The following MDFIC2 variants were observed in gnomAD, a reference collection of about 807,000 sequenced individuals.
The protein encoded by MDFIC2 is MyoD family inhibitor domain containing 2.
chr3:70,263,055 A>G (rs1701881999), intron 2 of MDFIC2, among the ~76,000 whole-genome samples: 1 of 152,062 alleles, frequency 6.6e-6, no homozygotes, highest in Non-Finnish European at 1.5e-5. Context: ...TAGGTAATTC[A>G]TCTCTCTCTT....
intron 2 of MDFIC2, among the ~76,000 whole-genome samples, chr3:70,278,038 A>T (rs1702044487): frequency 6.6e-6 from 1 of 152,108 alleles, no homozygotes; most frequent in Admixed American, 6.6e-5. Flanking sequence ...CACCTATCTA[A>T]CCACCACCCC....
intron 2 of MDFIC2, among the ~76,000 whole-genome samples, chr3:70,277,519 G>A (rs888754966): frequency 2.0e-5 from 3 of 152,096 alleles, no homozygotes; most frequent in Admixed American, 6.6e-5. Context: ...ATCTCTGAAC[G>A]AACAGACCGC....
At chr3:70,295,707 A>G (rs1418838770) in intron 2 of MDFIC2, among the ~76,000 whole-genome samples, 1 of 152,160 alleles carries the variant, frequency 6.6e-6, no homozygotes, top group Non-Finnish European at 1.5e-5. Flanking sequence ...TAAATAAACA[A>G]ATAAATATAC....
intron 2 of MDFIC2, among the ~76,000 whole-genome samples, chr3:70,254,363 C>G (rs1302052664): frequency 6.6e-6 from 1 of 152,082 alleles, no homozygotes; most frequent in Non-Finnish European, 1.5e-5. Flanking sequence ...CAATTATTCT[C>G]AATTATTATT....
intron 2 of MDFIC2, among the ~76,000 whole-genome samples, chr3:70,232,727 T>C (rs1029632952): frequency 2.2e-4 from 33 of 152,268 alleles, no homozygotes; most frequent in African/African-American, 7.2e-4. Flanking sequence ...ACAATAATAA[T>C]GTAAATACGT....
At chr3:70,290,784 C>T (rs539049205) in intron 2 of MDFIC2, among the ~76,000 whole-genome samples, 2 of 152,174 alleles carry the variant, frequency 1.3e-5, no homozygotes, top group Admixed American at 1.3e-4. Context: ...TTAAGCTTGT[C>T]GGAAAAGCGC....
At chr3:70,213,338 A>G (rs1701369021) in intron 2 of MDFIC2, among the ~76,000 whole-genome samples, 2 of 152,130 alleles carry the variant, frequency 1.3e-5, no homozygotes, top group Admixed American at 6.6e-5. Flanking sequence ...TAAACTCCAG[A>G]AGAGTATATG....
intron 2 of MDFIC2, among the ~76,000 whole-genome samples, chr3:70,293,212 G>T (rs1257964168): frequency 4.6e-5 from 7 of 152,118 alleles, no homozygotes; most frequent in African/African-American, 1.7e-4. Context: ...GTCTGGTGAA[G>T]CCTACAGACT....
At chr3:70,248,729 G>C (rs1042657775) in intron 2 of MDFIC2, among the ~76,000 whole-genome samples, 1 of 152,064 alleles carries the variant, frequency 6.6e-6, no homozygotes, top group African/African-American at 2.4e-5. Context: ...AAGAGTTAGT[G>C]AACAAAAGAA....
chr3:70,263,118 T>C (rs1160679564), intron 2 of MDFIC2, among the ~76,000 whole-genome samples: 2 of 152,196 alleles, frequency 1.3e-5, no homozygotes, highest in Non-Finnish European at 2.9e-5. Context: ...TTTATAATAG[T>C]TGTTTTGATA....
At chr3:70,252,536 A>G (rs536571492) in intron 2 of MDFIC2, among the ~76,000 whole-genome samples, 1 of 152,200 alleles carries the variant, frequency 6.6e-6, no homozygotes, top group African/African-American at 2.4e-5. Flanking sequence ...GCAAAAGCTA[A>G]GTGAGGCTAG....
chr3:70,216,152 C>G (rs1473700211), intron 2 of MDFIC2, among the ~76,000 whole-genome samples: 9 of 151,062 alleles, frequency 6.0e-5, no homozygotes, highest in Non-Finnish European at 8.9e-5. Context: ...ATGTATATAT[C>G]TACATATTTA....
chr3:70,256,232 A>G (rs1215359272), intron 2 of MDFIC2, among the ~76,000 whole-genome samples: 2 of 152,232 alleles, frequency 1.3e-5, no homozygotes, highest in African/African-American at 4.8e-5. Context: ...TTTCTAATAA[A>G]AATGAAGCCA....
chr3:70,219,179 T>C (rs1381123088), intron 2 of MDFIC2, among the ~76,000 whole-genome samples: 1 of 152,114 alleles, frequency 6.6e-6, no homozygotes, highest in Non-Finnish European at 1.5e-5. Flanking sequence ...CCTTTAAAAA[T>C]ATGGAAAAAC....
chr3:70,217,566 T>C (rs1701427180), intron 2 of MDFIC2, among the ~76,000 whole-genome samples: 1 of 152,148 alleles, frequency 6.6e-6, no homozygotes, highest in Non-Finnish European at 1.5e-5. Flanking sequence ...AACTTTGATT[T>C]AAGTGTCCAA....
At chr3:70,235,947 C>A (rs1183566679) in intron 2 of MDFIC2, among the ~76,000 whole-genome samples, 2 of 152,144 alleles carry the variant, frequency 1.3e-5, no homozygotes, top group Non-Finnish European at 2.9e-5. Context: ...CCATTTTTCC[C>A]ACCATCATGA....
intron 2 of MDFIC2, among the ~76,000 whole-genome samples, chr3:70,264,015 A>C (rs1701892119): frequency 6.6e-6 from 1 of 152,170 alleles, no homozygotes; most frequent in African/African-American, 2.4e-5. Flanking sequence ...GAAGCAGTTA[A>C]CTTTACTATG....
At chr3:70,259,227 C>G (rs1229139047) in intron 2 of MDFIC2, among the ~76,000 whole-genome samples, 1 of 152,062 alleles carries the variant, frequency 6.6e-6, no homozygotes, top group Non-Finnish European at 1.5e-5. Context: ...ATAGTCTATG[C>G]TAAAAACCTA....
intron 2 of MDFIC2, among the ~76,000 whole-genome samples, chr3:70,243,337 TG>T (rs1446812558): frequency 6.6e-6 from 1 of 152,156 alleles, no homozygotes; most frequent in Non-Finnish European, 1.5e-5. Context: ...TCCTTAAAAT[TG>T]GGGTTGTATT....
Sources: gnomAD v4.1 joint callset for allele counts (sites outside exome capture counted in the v4.1 genomes callset) on GRCh38, gnomAD v4.1.1 for gene constraint, MANE v1.5 for transcripts, NCBI Gene and HGNC (gene_info 2026-07-23, HGNC 2026-07-21) for gene names.